PDE1C: variants seen among roughly 807,000 people sequenced by gnomAD.
PDE1C encodes phosphodiesterase 1C, also known as dual specificity calcium/calmodulin-dependent 3',5'-cyclic nucleotide phosphodiesterase 1C.
In PDE1C, 62 loss-of-function variants were observed where a neutral mutation model predicts 93.1. The ratio of observed to expected loss-of-function variants is 0.67; its 90% CI spans 0.54 to 0.82. The LOEUF (loss-of-function observed/expected upper bound fraction) is 0.82. PDE1C is among the 40% of genes least tolerant of loss of function. PDE1C has a pLI of 0.00. For missense variants in PDE1C, 742 were observed against 884.6 expected (o/e 0.84, Z 2.04); for synonymous variants, 325 against 310.1 (o/e 1.05, Z -0.50).
intron 2 of PDE1C, among the ~76,000 whole-genome samples, chr7:31,935,290 T>C (rs1190162206): frequency 1.3e-5 from 2 of 152,214 alleles, no homozygotes; most frequent in East Asian, 3.9e-4. Flanking sequence ...CCCACTTGGC[T>C]GACAGCCCTG....
downstream of PDE1C, among the ~76,000 whole-genome samples, chr7:31,748,473 T>C (rs1013854589): frequency 2.0e-5 from 3 of 152,222 alleles, no homozygotes; most frequent in Non-Finnish European, 2.9e-5. Context: ...AGAACCCAAG[T>C]TGAACATTAT....
chr7:32,267,657 C>T (rs1171591306), intron 1 of PDE1C, among the ~76,000 whole-genome samples: 1 of 150,626 alleles, frequency 6.6e-6, no homozygotes, highest in Admixed American at 6.6e-5. Flanking sequence ...CCCCAACCAT[C>T]TGAAAGTAAG....
At position 32,341,173 on chromosome 7, in the gene PDE1C, C is replaced by CTATTTTTTTTTTTTTTTTTTTTTTTTT. The variant is rs796122014; in HGVS notation, c.310+86648_310+86649insAAAAAAAAAAAAAAAAAAAAAAAAATA. Among the ~76,000 whole-genome samples, 8 of 84,956 alleles carry CTATTTTTTTTTTTTTTTTTTTTTTTTT rather than the reference C, an allele frequency of 9.4e-5. 1 individual carries two copies. Among genetic ancestry groups the CTATTTTTTTTTTTTTTTTTTTTTTTTT allele is most frequent in the African/African-American group, 3.5e-4 (8 of 23,020 alleles). The allele number at this position is 84,956 out of a possible 152,430, so 55.7% of individuals were successfully genotyped here. ...CCTAAAACTACTCTAGAAATAAAGT[C>CTATTTTTTTTTTTTTTTTTTTTTTTTT]TTTTTTTTTTTTTTTTTTTTGAGAC... On this transcript the variant is annotated intron_variant, in intron 1 of 1. Transcript: ENST00000672256.
chr7:32,278,119 C>A (rs1455546227), intron 1 of PDE1C, among the ~76,000 whole-genome samples: 1 of 58,898 alleles, frequency 1.7e-5, no homozygotes. Flanking sequence ...TTAAACACAA[C>A]GAGTTGCCAA....
At chr7:32,237,220 G>A (rs867540044) in intron 1 of PDE1C, among the ~76,000 whole-genome samples, 24 of 151,486 alleles carry the variant, frequency 1.6e-4, no homozygotes, top group Admixed American at 7.2e-4. Flanking sequence ...CTGAGTATCC[G>A]GGACTATAGG....
chr7:32,176,673 G>C (rs1259797695), intron 2 of PDE1C, among the ~76,000 whole-genome samples: 1 of 136,730 alleles, frequency 7.3e-6, no homozygotes, highest in African/African-American at 3.0e-5. Flanking sequence ...TCATTAGAGA[G>C]ATCAACTCTA....
intron 1 of PDE1C, among the ~76,000 whole-genome samples, chr7:32,263,343 A>T (rs1157489824): frequency 4.6e-5 from 7 of 151,664 alleles, no homozygotes; most frequent in Non-Finnish European, 1.5e-5. Context: ...GCATATATAC[A>T]TGTGCGGGTG....
intron 14 of PDE1C, chr7:31,820,649 A>G (rs1305347155): frequency 6.6e-6 from 1 of 152,088 alleles, no homozygotes; most frequent in Non-Finnish European, 1.5e-5. Flanking sequence ...GGTCATCTGG[A>G]AAAAAAGAGC....
intron 14 of PDE1C, among the ~76,000 whole-genome samples, chr7:31,822,633 TA>T (rs1399941926): frequency 6.6e-6 from 1 of 152,092 alleles, no homozygotes; most frequent in African/African-American, 2.4e-5. Context: ...GAAAGGAATA[TA>T]AAAATGCCTG....
intron 1 of PDE1C, among the ~76,000 whole-genome samples, chr7:32,285,589 C>G (rs1811943050): frequency 6.6e-6 from 1 of 151,414 alleles, no homozygotes; most frequent in Non-Finnish European, 1.5e-5. Flanking sequence ...TTGAATTGTA[C>G]TCTTAAAATG....
the PDE1C span, among the ~76,000 whole-genome samples, chr7:31,702,623 A>G: frequency 2.6e-5 from 4 of 152,162 alleles, no homozygotes; most frequent in South Asian, 6.2e-4. Flanking sequence ...CATCTCTTTT[A>G]GTATTGTCTT....
rs186216273 is a variant in PDE1C at position 31,835,334 on chromosome 7, A to G, written c.1203+1846T>C. ...TATTAGAAAAACAGCCTTTGGAAAA[A>G]TAGCTCAAAAGAAGCTCTTGGTGAA... On this transcript the variant is annotated intron_variant, in intron 11 of 17. Transcript: ENST00000396191. Among the ~76,000 whole-genome samples the G allele has an allele frequency of 4.0e-3, 616 of 152,266 alleles. 5 individuals are homozygous for G. The highest frequency in any genetic ancestry group is 5.5e-3 in the Non-Finnish European group (371 of 68,020).
chr7:32,067,004 A>G (rs1287494567), intron 1 of PDE1C, among the ~76,000 whole-genome samples: 1 of 152,192 alleles, frequency 6.6e-6, no homozygotes, highest in Non-Finnish European at 1.5e-5. Flanking sequence ...AAGGCTGAGG[A>G]CCAGCACCCT....
intron 1 of PDE1C, among the ~76,000 whole-genome samples, chr7:32,056,421 C>T (rs1408724145): frequency 1.4e-5 from 2 of 144,608 alleles, no homozygotes; most frequent in Non-Finnish European, 3.0e-5. Context: ...ATCTGTTTGT[C>T]GTTTCTGTTT....
chr7:31,682,946 AG>A, the PDE1C span, among the ~76,000 whole-genome samples: 1 of 152,170 alleles, frequency 6.6e-6, no homozygotes, highest in Non-Finnish European at 1.5e-5. Context: ...ATAGAGAGAG[AG>A]GACAGATTAG....
chr7:31,642,159 C>A, the PDE1C span: 49 of 1,546,298 alleles, frequency 3.2e-5, no homozygotes, highest in Non-Finnish European at 4.0e-5. Context: ...AACCTCAAGA[C>A]CTCTTTCATT....
intron 3 of PDE1C, among the ~76,000 whole-genome samples, chr7:32,093,961 G>T (rs959543841): frequency 6.6e-6 from 1 of 152,190 alleles, no homozygotes; most frequent in Non-Finnish European, 1.5e-5. Context: ...TACCCAAAAG[G>T]GAGAGAAGGT....
chr7:32,204,940 T>A (rs527505523), intron 2 of PDE1C, among the ~76,000 whole-genome samples: 1 of 152,336 alleles, frequency 6.6e-6, no homozygotes, highest in South Asian at 2.1e-4. Context: ...AACTCATCTG[T>A]GTTATCTCCA....
intron 3 of PDE1C, among the ~76,000 whole-genome samples, chr7:32,147,817 C>T (rs1004456532): frequency 1.2e-4 from 18 of 151,856 alleles, no homozygotes; most frequent in African/African-American, 4.4e-4. Context: ...TTGAAAGGGC[C>T]TTAACTGGCT....
Sources: allele counts gnomAD v4.1 joint callset (sites outside exome capture counted in the v4.1 genomes callset), GRCh38; gene constraint gnomAD v4.1.1; transcripts MANE v1.5; gene names NCBI Gene and HGNC (gene_info 2026-07-23, HGNC 2026-07-21).